The following TP63 variants were observed in gnomAD, a reference collection of about 807,000 sequenced individuals.
The protein encoded by TP63 is tumor protein p63, also known as tumor protein 63.
Under a neutral mutation model 82.8 loss-of-function variants are expected in TP63, and 17 were observed. The observed-to-expected ratio is 0.21, with a 90% confidence interval of 0.14 to 0.31. TP63 has a LOEUF of 0.31. Ranked by LOEUF, TP63 falls within the 10% of genes least tolerant of loss-of-function variation. The pLI is 1.00. For missense variants in TP63, 648 were observed against 895.3 expected (o/e 0.72, Z 3.52); for synonymous variants, 330 against 321.7 (o/e 1.03, Z -0.28).
intron 4 of TP63, among the ~76,000 whole-genome samples, chr3:189,813,074 AG>A (rs778154763): frequency 6.6e-6 from 1 of 152,042 alleles, no homozygotes; most frequent in Non-Finnish European, 1.5e-5. Flanking sequence ...GTGCAAGGAG[AG>A]GCCCTTTCCA....
chr3:189,874,111 C>T (rs1314499102), intron 10 of TP63, among the ~76,000 whole-genome samples: 2 of 152,052 alleles, frequency 1.3e-5, no homozygotes, highest in Non-Finnish European at 2.9e-5. Context: ...GCTCTGTCAC[C>T]CAGGTAGGAG....
At chr3:189,661,757 T>C (rs1430583846) in intron 1 of TP63, among the ~76,000 whole-genome samples, 1 of 152,078 alleles carries the variant, frequency 6.6e-6, no homozygotes, top group African/African-American at 2.4e-5. Context: ...AACTCAATAT[T>C]GGCCACTTCA....
intron 1 of TP63, among the ~76,000 whole-genome samples, chr3:189,676,553 T>C (rs1403812050): frequency 1.3e-5 from 2 of 152,166 alleles, no homozygotes; most frequent in Non-Finnish European, 1.5e-5. Context: ...CGTGTGTGTG[T>C]GCATGTGTGT....
At chr3:189,602,654 C>A in the TP63 span, among the ~76,000 whole-genome samples, 1 of 152,158 alleles carries the variant, frequency 6.6e-6, no homozygotes, top group Non-Finnish European at 1.5e-5. Context: ...AGTATTAATT[C>A]TCTTTGCACT....
chr3:189,677,652 T>C (rs1015021919), intron 1 of TP63, among the ~76,000 whole-genome samples: 2 of 151,830 alleles, frequency 1.3e-5, no homozygotes, highest in Non-Finnish European at 2.9e-5. Context: ...TTCTATGTTT[T>C]CTTCTTTGAG....
intron 4 of TP63, among the ~76,000 whole-genome samples, chr3:189,828,227 C>T (rs1365443228): frequency 1.4e-5 from 2 of 144,368 alleles, no homozygotes; most frequent in South Asian, 2.2e-4. Flanking sequence ...GGCAACAGAG[C>T]GAGACTCCAT....
chr3:189,845,874 C>T (rs975452541), intron 4 of TP63, among the ~76,000 whole-genome samples: 2 of 151,320 alleles, frequency 1.3e-5, no homozygotes, highest in South Asian at 2.1e-4. Flanking sequence ...TGTAGTATGG[C>T]ATTTCTTCTG....
chr3:189,672,533 G>C (rs1383824688), intron 1 of TP63, among the ~76,000 whole-genome samples: 1 of 151,464 alleles, frequency 6.6e-6, no homozygotes. Context: ...ACCTGGCAGG[G>C]GAAGGCTACA....
intron 3 of TP63, among the ~76,000 whole-genome samples, chr3:189,745,731 A>AAAT (rs1721325069): frequency 6.8e-6 from 1 of 146,326 alleles, no homozygotes; most frequent in African/African-American, 2.6e-5. Flanking sequence ...AAAAAAAAAA[A>AAAT]GCCAAACAGA....
At chr3:189,847,481 C>A (rs563115361) in intron 4 of TP63, among the ~76,000 whole-genome samples, 1 of 152,220 alleles carries the variant, frequency 6.6e-6, no homozygotes, top group African/African-American at 2.4e-5. Flanking sequence ...TGTAAGTTGC[C>A]AGTTATTTCT....
intron 1 of TP63, among the ~76,000 whole-genome samples, chr3:189,651,448 A>C (rs1156716943): frequency 1.4e-5 from 2 of 145,926 alleles, no homozygotes. Context: ...TAGGAGGCTG[A>C]ATCAGGAGAA....
rs114707091 is a variant in TP63 at position 189,732,392 on chromosome 3, T to G, written c.63-5348T>G. On this transcript the variant is annotated intron_variant, in intron 1 of 13. Coordinates refer to ENST00000264731, the MANE Select transcript of TP63 (RefSeq NM_003722.5). ...ATGAGTGGTGATGAGGGTATTGTTTTGACCCAAGGTTACAGATGGAAGGGA... is the reference window on the plus strand; with the variant it reads ...ATGAGTGGTGATGAGGGTATTGTTTGGACCCAAGGTTACAGATGGAAGGGA... 8.6e-3 allele frequency among the ~76,000 whole-genome samples: 1,306 copies of G among 152,344 alleles called. 15 individuals carry two copies. Among genetic ancestry groups the G allele is most frequent in the African/African-American group, 0.029 (1,223 of 41,570 alleles).
intron 1 of TP63, among the ~76,000 whole-genome samples, chr3:189,670,067 G>T (rs928696593): frequency 7.2e-5 from 11 of 151,732 alleles, no homozygotes; most frequent in African/African-American, 2.2e-4. Flanking sequence ...CCAACAAGAA[G>T]AATAATATTA....
intron 10 of TP63, among the ~76,000 whole-genome samples, chr3:189,884,920 G>A (rs1560300143): frequency 6.7e-6 from 1 of 148,950 alleles, no homozygotes. Flanking sequence ...CAGCTTCGAA[G>A]ACCATCCCTA....
intron 5 of TP63, among the ~76,000 whole-genome samples, chr3:189,866,325 A>G (rs1053506596): frequency 6.6e-6 from 1 of 152,080 alleles, no homozygotes; most frequent in Non-Finnish European, 1.5e-5. Context: ...TTTTAAATTA[A>G]TTTGCTTATT....
chr3:189,728,847 A>G (rs1311697077), intron 1 of TP63, among the ~76,000 whole-genome samples: 3 of 152,160 alleles, frequency 2.0e-5, no homozygotes, highest in Non-Finnish European at 2.9e-5. Flanking sequence ...CCATGATCCA[A>G]TTACTTCCTC....
chr3:189,840,359 C>CTTTTTTTTTTTCTTTTTTT (rs1713829691), intron 4 of TP63, among the ~76,000 whole-genome samples: 1 of 44,448 alleles, frequency 2.2e-5, no homozygotes, highest in African/African-American at 1.1e-4. Flanking sequence ...TGCTTTTCGT[C>CTTTTTTTTTTTCTTTTTTT]TTTTTTTTTT....
At chr3:189,790,729 G>C (rs1725045013) in intron 3 of TP63, among the ~76,000 whole-genome samples, 1 of 152,080 alleles carries the variant, frequency 6.6e-6, no homozygotes, top group African/African-American at 2.4e-5. Context: ...GGGGAGTGTT[G>C]TGGAGAGAGA....
chr3:189,710,906 C>T (rs1718548616), intron 1 of TP63, among the ~76,000 whole-genome samples: 1 of 152,192 alleles, frequency 6.6e-6, no homozygotes, highest in South Asian at 2.1e-4. Context: ...AATTCCTGTG[C>T]ACTGACTGCT....
Sources: allele counts gnomAD v4.1 joint callset (sites outside exome capture counted in the v4.1 genomes callset), GRCh38; gene constraint gnomAD v4.1.1; transcripts MANE v1.5; gene names NCBI Gene and HGNC (gene_info 2026-07-23, HGNC 2026-07-21).